The following CCDC141 variants were observed in gnomAD, a reference collection of about 807,000 sequenced individuals.
CCDC141 encodes coiled-coil domain-containing protein 141.
CCDC141 carries 168 observed loss-of-function variants against 181.0 expected under a neutral mutation model. That is an observed-to-expected ratio of 0.93 (90% CI 0.82 to 1.05). The LOEUF is 1.05. CCDC141 is among the 50% of genes least tolerant of loss of function. The pLI, the probability that CCDC141 is intolerant of heterozygous loss-of-function variation, is 0.00. For synonymous variants in CCDC141, 666 were observed against 642.3 expected, an observed-to-expected ratio of 1.04 and a Z score of -0.56; for missense variants, 1,902 against 1,788.5, an observed-to-expected ratio of 1.06 and a Z score of -1.14.
At position 178,845,650 on chromosome 2, in the gene CCDC141, T is replaced by C; in HGVS notation, c.3450A>G (p.Thr1150=). The change falls in exon 22 of 24, where the codon ACA becomes ACG. Residue 1150 remains threonine, a synonymous_variant. Coordinates refer to ENST00000443758, the MANE Select transcript of CCDC141 (RefSeq NM_173648.4). ...LLKEPAKNKQ[T]IFNEERNKGQ... ...CCTTATTCCTTTCTTCATTGAATAT[T>C]GTCTGCTTATTTTTTGCTGGTTCCT... The C allele has an allele frequency of 6.2e-7, 1 of 1,602,050 alleles. No individual in the cohort carries two copies. The highest frequency in any genetic ancestry group is 8.6e-7 in the Non-Finnish European group (1 of 1,169,226).
intron 3 of CCDC141, among the ~76,000 whole-genome samples, chr2:178,977,837 A>G (rs1691190715): frequency 6.6e-6 from 1 of 152,174 alleles, no homozygotes; most frequent in African/African-American, 2.4e-5. Flanking sequence ...TCTTTTGATA[A>G]TGTTCTTTGA....
chr2:178,865,795 T>A lies in CCDC141; in HGVS notation c.2696A>T (p.Tyr899Phe). The A allele has an allele frequency of 6.3e-7, 1 of 1,590,940 alleles. No homozygotes were observed. The highest frequency in any genetic ancestry group is 8.6e-7 in the Non-Finnish European group (1 of 1,169,244). ...YGRTLSRSVE[Y>F]CAMRDEINEL... is the part of the protein sequence containing the mutation. ...ATTTATCTCGTCTCTCATGGCGCAG[T>A]ACTCCACACTACGGGACAGGGTCCG... The change falls in exon 17 of 24, where the codon TAC (tyrosine) becomes TTC (phenylalanine). Residue 899 changes from tyrosine (Y) to phenylalanine (F), a missense_variant. Physicochemically the swap from Tyr to Phe is conservative, Grantham distance 22 (BLOSUM62 3). Coordinates refer to ENST00000443758, the MANE Select transcript of CCDC141 (RefSeq NM_173648.4).
intron 8 of CCDC141, among the ~76,000 whole-genome samples, chr2:178,902,852 A>T (rs1206751033): frequency 1.3e-5 from 2 of 149,648 alleles, no homozygotes; most frequent in East Asian, 4.0e-4. Flanking sequence ...TTCGCAACCT[A>T]CTCATCTGAC....
intron 11 of CCDC141, among the ~76,000 whole-genome samples, chr2:178,883,949 G>A (rs747493150): frequency 1.3e-5 from 2 of 152,032 alleles, no homozygotes; most frequent in Non-Finnish European, 2.9e-5. Flanking sequence ...AGGCAGATTC[G>A]AGACTGAACC....
At chr2:178,943,412 A>T (rs1689598601) in intron 6 of CCDC141, among the ~76,000 whole-genome samples, 1 of 152,138 alleles carries the variant, frequency 6.6e-6, no homozygotes, top group Admixed American at 6.6e-5. Flanking sequence ...AGAAGCAAGA[A>T]ACTGAAACAA....
rs1179146987 is a variant in CCDC141, at chr2:178,837,565, A to T, written c.3654T>A (p.Pro1218=). Residue 1218 remains proline (P), a synonymous_variant, in exon 23 of 24, where the codon CCT becomes CCA. Transcript: ENST00000443758. ...CVSPDDISLP[P]LPGSPESPLA... is the part of the protein sequence containing the mutation. ...GAGGGGACTCAGGGCTTCCTGGGAG[A>T]GGAGGCAAGGAGATGTCATCAGGTG... The T allele has an allele frequency of 1.2e-6, 2 of 1,613,660 alleles. No individual in the cohort carries two copies. The highest frequency in any genetic ancestry group is 1.3e-5 in the African/African-American group (1 of 74,848).
chr2:178,997,999 A>T (rs558632736), intron 2 of CCDC141, among the ~76,000 whole-genome samples: 19 of 152,336 alleles, frequency 1.2e-4, no homozygotes, highest in African/African-American at 4.6e-4. Context: ...AAAAACCATA[A>T]GGTATGGAAA....
At chr2:179,005,022 G>C (rs544234087) in intron 2 of CCDC141, among the ~76,000 whole-genome samples, 1 of 152,062 alleles carries the variant, frequency 6.6e-6, no homozygotes. Flanking sequence ...ATGAGCCACC[G>C]CCCCCGGCCT....
chr2:179,011,030 C>T (rs1158588895), intron 2 of CCDC141, among the ~76,000 whole-genome samples: 1 of 151,948 alleles, frequency 6.6e-6, no homozygotes, highest in Non-Finnish European at 1.5e-5. Flanking sequence ...TGATGGCACA[C>T]ACCTGTAATC....
At position 178,872,279 on chromosome 2, in the gene CCDC141, CATTTT is replaced by C. The variant is rs1282543321; in HGVS notation, c.1928_1932del (p.Lys643ArgfsTer20). On this transcript the variant is annotated frameshift_variant, in exon 13 of 24. Coordinates refer to ENST00000443758, the MANE Select transcript of CCDC141 (RefSeq NM_173648.4). LOFTEE classifies it high-confidence loss of function. ...ATGGTGTTCTTCATGAGGTACACTT[CATTTT>C]TCACATCTAATATCTCGTTCTCTTT... The C allele has an allele frequency of 6.2e-7, 1 of 1,613,426 alleles. No homozygotes were observed. Among genetic ancestry groups the C allele is most frequent in the African/African-American group, 1.3e-5 (1 of 74,888 alleles).
intron 5 of CCDC141, among the ~76,000 whole-genome samples, chr2:178,948,433 T>C (rs1421733657): frequency 6.6e-6 from 1 of 152,210 alleles, no homozygotes; most frequent in East Asian, 1.9e-4. Flanking sequence ...TTGTTAAATG[T>C]AGACTTAAGG....
chr2:178,980,732 GAGTA>G (rs1489923660), intron 2 of CCDC141, among the ~76,000 whole-genome samples: 2 of 152,120 alleles, frequency 1.3e-5, no homozygotes, highest in East Asian at 3.9e-4. Context: ...AAATAAATTG[GAGTA>G]ACAATGTGAA....
chr2:179,041,286 T>C (rs2043294005), intron 2 of CCDC141, among the ~76,000 whole-genome samples: 1 of 151,604 alleles, frequency 6.6e-6, no homozygotes. Flanking sequence ...GAGACGGGGT[T>C]TCACCATGTC....
intron 6 of CCDC141, among the ~76,000 whole-genome samples, chr2:178,938,047 T>G (rs374382286): frequency 2.0e-5 from 3 of 152,220 alleles, no homozygotes; most frequent in East Asian, 3.9e-4. Context: ...TGTTTTTTCA[T>G]GTCTTCATTT....
intron 7 of CCDC141, among the ~76,000 whole-genome samples, chr2:178,907,131 C>T (rs13014078): frequency 0.28 from 42,054 of 152,068 alleles, 7,575 homozygotes; most frequent in Non-Finnish European, 0.41. Context: ...TTAATAAGAA[C>T]GGACTACATG....
At chr2:178,949,830 C>T (rs1689878041) in intron 5 of CCDC141, among the ~76,000 whole-genome samples, 1 of 152,172 alleles carries the variant, frequency 6.6e-6, no homozygotes, top group African/African-American at 2.4e-5. Context: ...ATGGGTCATG[C>T]AAGCGGTAGA....
intron 11 of CCDC141, among the ~76,000 whole-genome samples, chr2:178,884,641 G>GA (rs1480173695): frequency 1.4e-4 from 22 of 152,146 alleles, no homozygotes; most frequent in African/African-American, 3.9e-4. Context: ...CCCCCCTTTG[G>GA]AAAACGCACA....
downstream of CCDC141, among the ~76,000 whole-genome samples, chr2:178,826,182 C>T (rs12464151): frequency 0.34 from 51,730 of 151,982 alleles, 9,658 homozygotes; most frequent in Middle Eastern, 0.42. Context: ...CATCAATTGA[C>T]ATAATTACAT....
Position 178,845,704 on chromosome 2 carries a change from G to A in CCDC141, c.3396C>T (p.Asp1132=). Residue 1132 remains aspartate, a synonymous_variant, in exon 22 of 24, where the codon GAC becomes GAT. Transcript: ENST00000443758. ...DVLKMNPNLE[D]FHYDYIDLLK... is the part of the protein sequence containing the mutation. ...GCAAGTCAATGTAATCATAATGGAA[G>A]TCTTCCAAATTCGGATTCATCTTTA... 1 of 1,612,116 alleles carries A rather than the reference G, an allele frequency of 6.2e-7. No individual in the cohort carries two copies. Among genetic ancestry groups the A allele is most frequent in the South Asian group, 1.1e-5 (1 of 91,022 alleles).
Sources: allele counts gnomAD v4.1 joint callset (sites outside exome capture counted in the v4.1 genomes callset), GRCh38; gene constraint gnomAD v4.1.1; transcripts MANE v1.5; gene names NCBI Gene and HGNC (gene_info 2026-07-23, HGNC 2026-07-21).